The following ATRNL1 variants were observed in gnomAD, a reference collection of about 807,000 sequenced individuals.
ATRNL1 encodes attractin like 1.
In ATRNL1, 95 loss-of-function variants were observed where a neutral mutation model predicts 182.7. The observed-to-expected ratio is 0.52, with a 90% CI of 0.44 to 0.62. ATRNL1 has a LOEUF of 0.62. Ranked by LOEUF, ATRNL1 falls within the 20% of genes least tolerant of loss-of-function variation. The pLI, the probability that ATRNL1 is intolerant of heterozygous loss-of-function variation, is 0.00. For synonymous variants in ATRNL1, 576 were observed against 568.3 expected, an observed-to-expected ratio of 1.01 and a Z score of -0.19; for missense variants, 1,471 against 1,679.5, an observed-to-expected ratio of 0.88 and a Z score of 2.17.
At chr10:115,214,287 A>G (rs186744530) in intron 8 of ATRNL1, among the ~76,000 whole-genome samples, 171 of 143,284 alleles carry the variant, frequency 1.2e-3, no homozygotes, top group Middle Eastern at 0.011. Flanking sequence ...AATGAATAAA[A>G]CTATGAAAAT....
chr10:115,320,510 C>G (rs1439203280), intron 18 of ATRNL1, among the ~76,000 whole-genome samples: 3 of 152,150 alleles, frequency 2.0e-5, no homozygotes, highest in African/African-American at 7.2e-5. Flanking sequence ...TTCATTCTCC[C>G]TGTCTACTTC....
At chr10:115,326,594 A>G (rs1316959320) in intron 18 of ATRNL1, among the ~76,000 whole-genome samples, 1 of 152,040 alleles carries the variant, frequency 6.6e-6, no homozygotes, top group African/African-American at 2.4e-5. Context: ...TTTAAAGTTC[A>G]TATGGAACCA....
At chr10:115,498,416 A>G (rs977132314) in intron 24 of ATRNL1, among the ~76,000 whole-genome samples, 1 of 152,108 alleles carries the variant, frequency 6.6e-6, no homozygotes, top group East Asian at 1.9e-4. Flanking sequence ...CTTGGGTTTT[A>G]AAATTTATCA....
chr10:115,515,837 G>T (rs570208094), intron 24 of ATRNL1, among the ~76,000 whole-genome samples: 1 of 151,740 alleles, frequency 6.6e-6, no homozygotes, highest in African/African-American at 2.4e-5. Context: ...TTTCATCCTC[G>T]TCTTAACCAA....
chr10:115,926,249 A>C (rs1555120084), intron 28 of ATRNL1, among the ~76,000 whole-genome samples: 2 of 152,200 alleles, frequency 1.3e-5, no homozygotes, highest in African/African-American at 4.8e-5. Context: ...TCTGAGACAC[A>C]GCTAAAGTGG....
At chr10:115,791,325 A>T (rs575867538) in intron 27 of ATRNL1, among the ~76,000 whole-genome samples, 3 of 152,190 alleles carry the variant, frequency 2.0e-5, no homozygotes, top group Admixed American at 2.0e-4. Context: ...TTTTCTCATT[A>T]TTATTTGTGA....
At chr10:115,455,556 A>G (rs1223998174) in intron 21 of ATRNL1, among the ~76,000 whole-genome samples, 12 of 152,286 alleles carry the variant, frequency 7.9e-5, no homozygotes, top group Admixed American at 3.3e-4. Flanking sequence ...AGGCAATACC[A>G]TTCAGGACAT....
chr10:115,638,707 C>T (rs1555029171), intron 26 of ATRNL1, among the ~76,000 whole-genome samples: 1 of 152,062 alleles, frequency 6.6e-6, no homozygotes, highest in East Asian at 1.9e-4. Flanking sequence ...ATGTATAAAA[C>T]TTATTTTAAA....
Position 115,140,284 on chromosome 10 carries a change from T to C in ATRNL1, c.829+10749T>C, listed in dbSNP as rs559687862. ...CTCTTTCTGGACAAAATCCACACAA[T>C]AAAGGATTCTCCCAAACACAGGAAA... On this transcript the variant is annotated intron_variant, in intron 5 of 28. Coordinates refer to ENST00000355044, the MANE Select transcript of ATRNL1 (RefSeq NM_207303.4). 3.7e-4 allele frequency among the ~76,000 whole-genome samples: 56 copies of C among 152,232 alleles called. 1 individual carries two copies. In the South Asian group the frequency reaches 0.011, roughly 30 times the overall value.
intron 27 of ATRNL1, among the ~76,000 whole-genome samples, chr10:115,768,835 C>A (rs1389512024): frequency 1.3e-5 from 2 of 152,010 alleles, no homozygotes; most frequent in Non-Finnish European, 2.9e-5. Flanking sequence ...CTCCTGGGAT[C>A]AGCAAGAAAA....
intron 5 of ATRNL1, among the ~76,000 whole-genome samples, chr10:115,137,596 A>G (rs1455227718): frequency 6.6e-6 from 1 of 152,238 alleles, no homozygotes. Flanking sequence ...GAGCTTGTAC[A>G]GGGAAGCTCC....
intron 26 of ATRNL1, among the ~76,000 whole-genome samples, chr10:115,713,887 C>T (rs1249955175): frequency 6.6e-6 from 1 of 152,148 alleles, no homozygotes; most frequent in Non-Finnish European, 1.5e-5. Context: ...TATATGTGTA[C>T]AAAGTACAAA....
intron 26 of ATRNL1, among the ~76,000 whole-genome samples, chr10:115,591,565 T>G (rs1855907307): frequency 6.6e-6 from 1 of 152,236 alleles, no homozygotes; most frequent in South Asian, 2.1e-4. Flanking sequence ...TCAATCATTT[T>G]TAACCCATGT....
chr10:115,520,487 T>G (rs1333469765), intron 25 of ATRNL1, among the ~76,000 whole-genome samples: 9 of 152,100 alleles, frequency 5.9e-5, no homozygotes, highest in Admixed American at 4.6e-4. Context: ...CAAATGGGAG[T>G]GGCTGTGTTC....
At chr10:115,869,036 G>A (rs368832167) in intron 28 of ATRNL1, among the ~76,000 whole-genome samples, 2,885 of 151,660 alleles carry the variant, frequency 0.019, 84 homozygotes, top group African/African-American at 0.066. Flanking sequence ...TCACCATGTT[G>A]GCCAGGATTG....
chr10:115,213,533 C>T (rs940471882), intron 8 of ATRNL1, among the ~76,000 whole-genome samples: 2 of 152,080 alleles, frequency 1.3e-5, no homozygotes, highest in Admixed American at 1.3e-4. Flanking sequence ...TGTCATGAGA[C>T]ACACATTCTC....
intron 26 of ATRNL1, among the ~76,000 whole-genome samples, chr10:115,576,832 C>T (rs1396821123): frequency 1.3e-5 from 2 of 151,908 alleles, no homozygotes; most frequent in Admixed American, 1.3e-4. Flanking sequence ...GAGAGCTTTT[C>T]CTTATATTTT....
At chr10:115,485,342 T>C (rs1848967085) in intron 24 of ATRNL1, among the ~76,000 whole-genome samples, 1 of 152,048 alleles carries the variant, frequency 6.6e-6, no homozygotes, top group Non-Finnish European at 1.5e-5. Context: ...GCTACTTTTT[T>C]CTAAATTTAT....
intron 17 of ATRNL1, among the ~76,000 whole-genome samples, chr10:115,305,666 G>A (rs1853692242): frequency 1.3e-5 from 2 of 152,176 alleles, no homozygotes; most frequent in African/African-American, 2.4e-5. Flanking sequence ...TTCAATGAAA[G>A]AAGCTAGACA....
Sources: allele counts gnomAD v4.1 joint callset (sites outside exome capture counted in the v4.1 genomes callset), GRCh38; gene constraint gnomAD v4.1.1; transcripts MANE v1.5; gene names NCBI Gene and HGNC (gene_info 2026-07-23, HGNC 2026-07-21).